PDE4D: variants seen among roughly 807,000 people sequenced by gnomAD.
The protein encoded by PDE4D is phosphodiesterase 4D, also known as 3',5'-cyclic-AMP phosphodiesterase 4D.
In PDE4D, 24 loss-of-function variants were observed where a neutral mutation model predicts 87.4. The observed-to-expected ratio is 0.27, with a 90% confidence interval of 0.20 to 0.39. The LOEUF (loss-of-function observed/expected upper bound fraction) is 0.39, where lower values mean the gene tolerates loss of function less well. Among genes scored for constraint, PDE4D ranks in the 10% least tolerant of loss-of-function variants. The pLI is 1.00. For synonymous variants in PDE4D, 384 were observed against 383.2 expected, an observed-to-expected ratio of 1.00 and a Z score of -0.02; for missense variants, 714 against 1,041.0, an observed-to-expected ratio of 0.69 and a Z score of 4.32.
At chr5:59,145,936 G>A (rs1230578097) in intron 5 of PDE4D, among the ~76,000 whole-genome samples, 7 of 152,152 alleles carry the variant, frequency 4.6e-5, no homozygotes, top group African/African-American at 1.7e-4. Context: ...AAACCAGCCT[G>A]GCCAACATGG....
At chr5:60,396,519 TC>T (rs1303839367) in intron 1 of PDE4D, among the ~76,000 whole-genome samples, 1 of 152,176 alleles carries the variant, frequency 6.6e-6, no homozygotes, top group Non-Finnish European at 1.5e-5. Context: ...TTTTTTTTAT[TC>T]TTTTCTCTTT....
At chr5:59,231,565 T>C (rs26702) in intron 1 of PDE4D, among the ~76,000 whole-genome samples, 51,881 of 152,154 alleles carry the variant, frequency 0.34, 9,305 homozygotes, top group Non-Finnish European at 0.39. Context: ...AACACCATCC[T>C]AGAACGCTAC....
chr5:59,607,820 G>C (rs912982151), intron 1 of PDE4D, among the ~76,000 whole-genome samples: 7 of 152,110 alleles, frequency 4.6e-5, no homozygotes, highest in Non-Finnish European at 8.8e-5. Context: ...CTAACATACT[G>C]TCTGCATTGG....
chr5:59,215,556 T>A (rs1288678743), intron 2 of PDE4D: 2 of 184,304 alleles, frequency 1.1e-5, no homozygotes, highest in Non-Finnish European at 1.9e-5. Flanking sequence ...TACATGCGTG[T>A]GTGTGTGTGT....
intron 1 of PDE4D, among the ~76,000 whole-genome samples, chr5:59,283,830 A>C (rs548217587): frequency 6.6e-6 from 1 of 152,298 alleles, no homozygotes; most frequent in Middle Eastern, 3.4e-3. Context: ...TTATTATTTT[A>C]TAACACATTT....
At chr5:60,342,302 T>C (rs1355899655) in intron 1 of PDE4D, among the ~76,000 whole-genome samples, 1 of 152,214 alleles carries the variant, frequency 6.6e-6, no homozygotes, top group Non-Finnish European at 1.5e-5. Context: ...CTTTACGCTT[T>C]ATTGTTTAAC....
At position 59,756,579 on chromosome 5, in the gene PDE4D, T is replaced by C. The variant is rs1761262332; in HGVS notation, c.455+136589A>G. Among the ~76,000 whole-genome samples, 5 of 148,436 alleles carry C rather than the reference T, an allele frequency of 3.4e-5. No individual in the cohort carries two copies. In the Admixed American group the frequency reaches 3.4e-4, roughly 10 times the overall value. ...ATGGTGACAAAGTCCACACAAATGG[T>C]TAATCATTGAGTTCAAAGTTTTTTT... is the stretch of plus-strand genomic sequence containing the variant. On this transcript the variant is annotated intron_variant, in intron 1 of 14. Transcript: ENST00000340635.
At chr5:60,297,955 G>C (rs903647372) in intron 1 of PDE4D, among the ~76,000 whole-genome samples, 1 of 152,226 alleles carries the variant, frequency 6.6e-6, no homozygotes, top group Non-Finnish European at 1.5e-5. Context: ...GCATTCAGCT[G>C]TGGCGTAGAA....
intron 1 of PDE4D, among the ~76,000 whole-genome samples, chr5:60,218,321 T>G (rs969923324): frequency 3.9e-5 from 6 of 152,022 alleles, no homozygotes; most frequent in Admixed American, 2.0e-4. Context: ...TTATGGTGCT[T>G]GAAGTCAAAA....
At chr5:59,528,278 A>G (rs1453593362) in intron 1 of PDE4D, among the ~76,000 whole-genome samples, 1 of 152,234 alleles carries the variant, frequency 6.6e-6, no homozygotes, top group East Asian at 1.9e-4. Context: ...ATTATGGAAA[A>G]GGGTGTAGTT....
intron 5 of PDE4D, among the ~76,000 whole-genome samples, chr5:59,077,817 C>A (rs1028832432): frequency 9.2e-5 from 14 of 152,128 alleles, no homozygotes; most frequent in African/African-American, 3.1e-4. Flanking sequence ...AGACAGCAAC[C>A]TTCCAGCTCT....
intron 2 of PDE4D, among the ~76,000 whole-genome samples, chr5:59,200,678 CGT>C (rs1561692468): frequency 4.8e-5 from 5 of 104,618 alleles, no homozygotes; most frequent in Non-Finnish European, 7.9e-5. Context: ...TATAGATACA[CGT>C]ATACATACAT....
At chr5:59,529,150 G>A in intron 1 of PDE4D, 1 of 481,448 alleles carries the variant, frequency 2.1e-6, no homozygotes, top group South Asian at 1.6e-5. Flanking sequence ...GTGTGGAATT[G>A]GGCCCCTCTT....
chr5:59,220,377 CAAAAAAAAAAAAAAA>C (rs57610513), intron 1 of PDE4D, among the ~76,000 whole-genome samples: 1 of 36,130 alleles, frequency 2.8e-5, no homozygotes, highest in Non-Finnish European at 6.6e-5. Flanking sequence ...GACTCTGTCT[CAAAAAAAAAAAAAAA>C]AAAAAAAAAA....
intron 1 of PDE4D, among the ~76,000 whole-genome samples, chr5:60,345,135 T>C (rs1758639073): frequency 6.6e-6 from 1 of 152,102 alleles, no homozygotes; most frequent in Non-Finnish European, 1.5e-5. Flanking sequence ...GGTGAGTTCA[T>C]GTCCTTTCTA....
intron 1 of PDE4D, among the ~76,000 whole-genome samples, chr5:59,469,480 G>A (rs1393229328): frequency 6.6e-6 from 1 of 152,210 alleles, no homozygotes; most frequent in Non-Finnish European, 1.5e-5. Context: ...TGTGCCATCT[G>A]TGTATAGATA....
chr5:59,025,339 C>A (rs985072655), intron 6 of PDE4D, among the ~76,000 whole-genome samples: 1 of 151,976 alleles, frequency 6.6e-6, no homozygotes, highest in African/African-American at 2.4e-5. Flanking sequence ...TCTTTATGGT[C>A]AAAGAATGTA....
At position 59,283,489 on chromosome 5, in the gene PDE4D, T is replaced by C. The variant is rs147916187; in HGVS notation, c.456-67521A>G. On this transcript the variant is annotated intron_variant, in intron 1 of 14. Coordinates refer to ENST00000340635, the MANE Select transcript of PDE4D (RefSeq NM_001104631.2). ...AGCTTCATATTCCTTACAGGATCAATTTCAGCCTTTTTTGTGTGTTAAATA... is the reference window on the plus strand; with the variant it reads ...AGCTTCATATTCCTTACAGGATCAACTTCAGCCTTTTTTGTGTGTTAAATA... Among the ~76,000 whole-genome samples, 607 of 152,302 alleles carry C rather than the reference T, an allele frequency of 4.0e-3. 4 individuals carry two copies. The highest frequency in any genetic ancestry group is 0.014 in the African/African-American group (574 of 41,574).
At chr5:59,233,391 C>T (rs1755669145) in intron 1 of PDE4D, among the ~76,000 whole-genome samples, 1 of 152,238 alleles carries the variant, frequency 6.6e-6, no homozygotes, top group East Asian at 1.9e-4. Context: ...TTTGAATGTG[C>T]ACACTTCTGG....
Sources: allele counts gnomAD v4.1 joint callset (sites outside exome capture counted in the v4.1 genomes callset), GRCh38; gene constraint gnomAD v4.1.1; transcripts MANE v1.5; gene names NCBI Gene and HGNC (gene_info 2026-07-23, HGNC 2026-07-21).